The following GALNT17 variants were observed in gnomAD, a reference collection of about 807,000 sequenced individuals.
GALNT17 encodes the protein UDP-GalNAc:polypeptide N-acetylgalactosaminyltransferase-like 3.
Under a neutral mutation model 63.7 loss-of-function variants are expected in GALNT17, and 29 were observed. The ratio of observed to expected loss-of-function variants is 0.46; its 90% CI spans 0.34 to 0.62. GALNT17 has a LOEUF of 0.62. GALNT17 is among the 20% of genes least tolerant of loss of function. The pLI is 0.01. For synonymous variants in GALNT17, 305 were observed against 318.3 expected (o/e 0.96, Z 0.45); for missense variants, 603 against 799.6 (o/e 0.75, Z 2.97).
chr7:71,377,945 C>T (rs941184751), intron 2 of GALNT17, among the ~76,000 whole-genome samples: 5 of 149,298 alleles, frequency 3.3e-5, no homozygotes, highest in African/African-American at 9.7e-5. Flanking sequence ...TCCATTAAAC[C>T]TCTTTCCTTT....
chr7:71,229,439 T>C (rs1259944767), intron 1 of GALNT17, among the ~76,000 whole-genome samples: 1 of 152,214 alleles, frequency 6.6e-6, no homozygotes, highest in Non-Finnish European at 1.5e-5. Context: ...GTTTCCTGGC[T>C]CTTTCGTCAG....
intron 1 of GALNT17, among the ~76,000 whole-genome samples, chr7:71,168,664 C>G (rs980791069): frequency 6.6e-6 from 1 of 151,346 alleles, no homozygotes; most frequent in African/African-American, 2.4e-5. Context: ...ATACTATAGT[C>G]AAGCAAATTA....
At position 71,669,931 on chromosome 7, in the gene GALNT17, T is replaced by C. The variant is rs200304184; in HGVS notation, c.1267-41T>C. The C allele has an allele frequency of 5.4e-4, 871 of 1,610,972 alleles. 1 individual carries two copies. The highest frequency in any genetic ancestry group is 7.1e-4 in the Non-Finnish European group (835 of 1,178,360). On this transcript the variant is annotated intron_variant, in intron 7 of 10. Coordinates refer to ENST00000333538, the MANE Select transcript of GALNT17 (RefSeq NM_022479.3). ...ACCTGTGCCCCACTCTGGCCAGAGC[T>C]CCACAGTCACTAACACCCCTTGGCT...
At chr7:71,161,365 A>C (rs904255632) in intron 1 of GALNT17, among the ~76,000 whole-genome samples, 39 of 152,186 alleles carry the variant, frequency 2.6e-4, no homozygotes, top group African/African-American at 9.2e-4. Flanking sequence ...TTTTTGTAAA[A>C]TTTGAGGTCC....
intron 5 of GALNT17, among the ~76,000 whole-genome samples, chr7:71,501,988 A>T (rs1471492736): frequency 3.3e-5 from 5 of 152,120 alleles, no homozygotes; most frequent in Non-Finnish European, 7.4e-5. Flanking sequence ...CTGCACTCAG[A>T]TTCCATTCCA....
chr7:71,376,425 GTTTTTTTTTTTT>G (rs57171551), intron 2 of GALNT17, among the ~76,000 whole-genome samples: 12 of 63,332 alleles, frequency 1.9e-4, no homozygotes, highest in Admixed American at 1.1e-3. Flanking sequence ...GTTTGGAGTT[GTTTTTTTTTTTT>G]TTTTTTTTTT....
chr7:71,534,364 C>T (rs1184287978), intron 5 of GALNT17, among the ~76,000 whole-genome samples: 2 of 152,006 alleles, frequency 1.3e-5, no homozygotes, highest in African/African-American at 4.8e-5. Context: ...CTTTGGGAGG[C>T]CGAGGCGGGC....
At chr7:71,494,247 T>C (rs1383010119) in intron 5 of GALNT17, among the ~76,000 whole-genome samples, 1 of 152,118 alleles carries the variant, frequency 6.6e-6, no homozygotes, top group Non-Finnish European at 1.5e-5. Context: ...AAGAACTGCA[T>C]AGGGGAAATC....
rs150326973 is a variant in GALNT17 at position 71,450,194 on chromosome 7, C to T, written c.962+29089C>T. On this transcript the variant is annotated intron_variant, in intron 5 of 10. Coordinates refer to ENST00000333538, the MANE Select transcript of GALNT17 (RefSeq NM_022479.3). Reference sequence around the variant, plus strand: ...TCTGTCGCCCAGGATGGAGTGCAGTCGCGCGATCTCGGCTCACCGCAAACT... The same window carrying T: ...TCTGTCGCCCAGGATGGAGTGCAGTTGCGCGATCTCGGCTCACCGCAAACT... Among the ~76,000 whole-genome samples, 470 of 146,164 alleles carry T rather than the reference C, an allele frequency of 3.2e-3. 3 individuals are homozygous for T. The highest frequency in any genetic ancestry group is 0.011 in the African/African-American group (447 of 39,346).
In GALNT17 at chr7:71,388,292, C is replaced by T. The variant is rs545490342; in HGVS notation, c.480C>T (p.Phe160=). The change falls in exon 3 of 11, where the codon TTC becomes TTT. Residue 160 remains phenylalanine, a synonymous_variant. Transcript: ENST00000333538. ...CCCAGATATCCATCATATTCATCTT[C>T]GTGAACGAGGCCCTGTCGGTGATCC... ...DLPQISIIFI[F]VNEALSVILR... 1.6e-4 allele frequency: 255 copies of T among 1,614,060 alleles called. No homozygotes were observed. Among genetic ancestry groups the T allele is most frequent in the African/African-American group, 4.5e-4 (34 of 75,010 alleles).
intron 3 of GALNT17, among the ~76,000 whole-genome samples, chr7:71,389,744 C>T (rs1793015700): frequency 6.6e-6 from 1 of 152,152 alleles, no homozygotes; most frequent in South Asian, 2.1e-4. Context: ...ATAAAAAATT[C>T]CATCCCGTGT....
intron 1 of GALNT17, among the ~76,000 whole-genome samples, chr7:71,273,626 T>C (rs1355095579): frequency 6.6e-6 from 1 of 152,204 alleles, no homozygotes; most frequent in East Asian, 1.9e-4. Context: ...ATCACAAGGT[T>C]ATTTGCAGAG....
intron 1 of GALNT17, among the ~76,000 whole-genome samples, chr7:71,194,221 G>GAT (rs1320409370): frequency 6.6e-6 from 1 of 152,094 alleles, no homozygotes; most frequent in East Asian, 1.9e-4. Flanking sequence ...ATATCAAGCA[G>GAT]ATATGATGTC....
intron 1 of GALNT17, among the ~76,000 whole-genome samples, chr7:71,247,090 T>C (rs1171856294): frequency 2.0e-5 from 3 of 152,148 alleles, no homozygotes; most frequent in Non-Finnish European, 4.4e-5. Flanking sequence ...CTGCTTTTCC[T>C]CTGCTGGGTT....
intron 5 of GALNT17, among the ~76,000 whole-genome samples, chr7:71,540,093 CTTTTTTTTTTTTTTTTTTTTTTTT>C (rs71089954): frequency 4.8e-4 from 16 of 33,524 alleles, no homozygotes; most frequent in Non-Finnish European, 8.3e-4. Context: ...TGTGCCTGGC[CTTTTTTTTTTTTTTTTTTTTTTTT>C]TTTTTTTTTT....
At chr7:71,681,752 G>C (rs1012502633) in intron 9 of GALNT17, among the ~76,000 whole-genome samples, 3 of 152,178 alleles carry the variant, frequency 2.0e-5, no homozygotes, top group African/African-American at 7.2e-5. Flanking sequence ...GGCTATCCCA[G>C]TTAGATACTG....
intron 6 of GALNT17, among the ~76,000 whole-genome samples, chr7:71,644,356 G>A (rs1790644545): frequency 6.6e-6 from 1 of 151,550 alleles, no homozygotes; most frequent in African/African-American, 2.4e-5. Flanking sequence ...TCAACACGGT[G>A]AAACCCCATC....
rs147310566 is a variant in GALNT17, at chr7:71,300,476, T to C, written c.239-35074T>C. 300 of 455,412 alleles carry C rather than the reference T, an allele frequency of 6.6e-4. 1 individual carries two copies. The highest frequency in any genetic ancestry group is 5.4e-3 in the African/African-American group (271 of 50,124). 28.2% of individuals were successfully genotyped at this position (455,412 alleles called of 1,614,324 possible). On this transcript the variant is annotated intron_variant, in intron 1 of 10. Transcript: ENST00000333538. ...AGAATCACTGACTGGGGGATGTTCA[T>C]GAGCTTGGACAGGATAACAAATGGA...
intron 1 of GALNT17, among the ~76,000 whole-genome samples, chr7:71,327,997 C>G (rs1447341340): frequency 6.6e-6 from 1 of 152,148 alleles, no homozygotes; most frequent in Non-Finnish European, 1.5e-5. Flanking sequence ...CAACCCAAAG[C>G]CAGGGGGGCA....
Sources: gnomAD v4.1 joint callset for allele counts (sites outside exome capture counted in the v4.1 genomes callset) on GRCh38, gnomAD v4.1.1 for gene constraint, MANE v1.5 for transcripts, NCBI Gene and HGNC (gene_info 2026-07-23, HGNC 2026-07-21) for gene names.